OXR1: variants seen among roughly 807,000 people sequenced by gnomAD.
The protein encoded by OXR1 is oxidation resistance 1.
Under a neutral mutation model 104.6 loss-of-function variants are expected in OXR1, and 41 were observed. The ratio of observed to expected loss-of-function variants is 0.39; its 90% confidence interval spans 0.31 to 0.51. OXR1 has a LOEUF of 0.51. Among genes scored for constraint, OXR1 ranks in the 20% least tolerant of loss-of-function variants. The pLI, the probability that OXR1 is intolerant of heterozygous loss-of-function variation, is 0.77. For synonymous variants in OXR1, 348 were observed against 348.4 expected (o/e 1.00, Z 0.01); for missense variants, 955 against 1,031.9 (o/e 0.93, Z 1.02).
intron 10 of OXR1, among the ~76,000 whole-genome samples, chr8:106,711,111 AT>A (rs1831640067): frequency 6.6e-6 from 1 of 152,116 alleles, no homozygotes; most frequent in Admixed American, 6.6e-5. Flanking sequence ...ATGGTGTATA[AT>A]TCCTTTATAT....
rs1324990081 is a variant in OXR1, at chr8:106,640,304, AT to A, written c.221-38903del. On this transcript the variant is annotated intron_variant, in intron 3 of 16. Coordinates refer to ENST00000517566, the MANE Select transcript of OXR1 (RefSeq NM_001198533.2). The stretch of plus-strand genomic sequence containing the variant: ...CAAATATATACATTTGTATATACGT[AT>A]TTGTGTATATATACTAATACATATA... 2.6e-5 allele frequency among the ~76,000 whole-genome samples: 4 copies of A among 151,380 alleles called. No homozygotes were observed. The South Asian group carries it at 8.3e-4, about 31-fold the overall frequency.
At chr8:106,552,959 C>T (rs1815966579) in intron 3 of OXR1, among the ~76,000 whole-genome samples, 2 of 152,150 alleles carry the variant, frequency 1.3e-5, no homozygotes, top group African/African-American at 4.8e-5. Context: ...ATAACAAAGA[C>T]TGTTTTATTC....
chr8:106,352,282 G>A (rs1257818614), intron 1 of OXR1, among the ~76,000 whole-genome samples: 1 of 152,178 alleles, frequency 6.6e-6, no homozygotes, highest in Non-Finnish European at 1.5e-5. Flanking sequence ...TGGACGATGA[G>A]TATATTTCAG....
chr8:106,418,982 C>T (rs1018887286), intron 2 of OXR1, among the ~76,000 whole-genome samples: 1 of 151,954 alleles, frequency 6.6e-6, no homozygotes, highest in Non-Finnish European at 1.5e-5. Flanking sequence ...TGCTCATAAC[C>T]AACGCTCATA....
At chr8:106,359,333 C>A in intron 1 of OXR1, 143 bp from the exon 2 acceptor site, 1 of 331,188 alleles carries the variant, frequency 3.0e-6, no homozygotes, top group Admixed American at 4.2e-5. Flanking sequence ...TGGTTTATTA[C>A]ATGTCTTATA....
chr8:106,663,677 C>T (rs960595632), intron 3 of OXR1, among the ~76,000 whole-genome samples: 2 of 152,190 alleles, frequency 1.3e-5, no homozygotes, highest in African/African-American at 4.8e-5. Flanking sequence ...ACTGCCTGAG[C>T]TCTGCCTCCT....
intron 7 of OXR1, among the ~76,000 whole-genome samples, chr8:106,696,794 C>A (rs1830079280): frequency 6.6e-6 from 1 of 152,122 alleles, no homozygotes; most frequent in African/African-American, 2.4e-5. Context: ...AGCCCCAGAC[C>A]ATGGTAGGCA....
intron 3 of OXR1, among the ~76,000 whole-genome samples, chr8:106,556,481 C>T (rs542567256): frequency 6.6e-6 from 1 of 152,056 alleles, no homozygotes; most frequent in East Asian, 1.9e-4. Flanking sequence ...GTAGAGAATC[C>T]CAAATGAATC....
At chr8:106,330,049 G>C (rs1814646447) in intron 1 of OXR1, among the ~76,000 whole-genome samples, 1 of 152,108 alleles carries the variant, frequency 6.6e-6, no homozygotes, top group South Asian at 2.1e-4. Context: ...CTATGATTTA[G>C]CCACAGCAAC....
intron 3 of OXR1, among the ~76,000 whole-genome samples, chr8:106,549,098 A>T (rs2130391074): frequency 6.6e-6 from 1 of 152,360 alleles, no homozygotes; most frequent in South Asian, 2.1e-4. Context: ...AGTGAAATAA[A>T]TCTAAGATAT....
intron 3 of OXR1, among the ~76,000 whole-genome samples, chr8:106,640,642 G>T (rs1022135112): frequency 8.6e-5 from 13 of 151,996 alleles, no homozygotes; most frequent in Non-Finnish European, 1.8e-4. Flanking sequence ...ACTTTGGGAA[G>T]TAACTTCGAT....
chr8:106,405,436 T>C (rs780820784), intron 2 of OXR1, among the ~76,000 whole-genome samples: 4 of 151,814 alleles, frequency 2.6e-5, no homozygotes, highest in Non-Finnish European at 5.9e-5. Context: ...CTGTGAAAGG[T>C]GAATTTGAAA....
intron 2 of OXR1, among the ~76,000 whole-genome samples, chr8:106,400,461 T>C (rs1817956271): frequency 6.6e-6 from 1 of 152,210 alleles, no homozygotes; most frequent in Non-Finnish European, 1.5e-5. Flanking sequence ...ATTTTTAGAC[T>C]GGAAGATTCC....
At chr8:106,692,704 C>A in intron 6 of OXR1, 24 bp from the exon 7 acceptor site, 10 of 1,316,430 alleles carry the variant, frequency 7.6e-6, no homozygotes, top group Non-Finnish European at 1.0e-5. Flanking sequence ...TTTTTTTTTT[C>A]TTTCCTTTAA....
In OXR1 at chr8:106,707,023, A is replaced by C. The variant is rs776776610; in HGVS notation, c.1502A>C (p.Glu501Ala). The C allele has an allele frequency of 6.2e-7, 1 of 1,613,954 alleles. No individual in the cohort carries two copies. The highest frequency in any genetic ancestry group is 8.5e-7 in the Non-Finnish European group (1 of 1,179,956). ...CAGGACTCACAGACAGAGGCAGAAG[A>C]GCTACGCAAACTTTGGAAAACCCAT... ...QNQDSQTEAE[E>A]LRKLWKTHTM... Residue 501 changes from glutamate (E) to alanine (A), a missense_variant, in exon 9 of 17, where the codon GAG becomes GCG. Physicochemically the swap from Glu to Ala is moderately radical, Grantham distance 107. Transcript: ENST00000517566.
chr8:106,691,493 C>A (rs1829269722), intron 6 of OXR1, among the ~76,000 whole-genome samples: 2 of 151,658 alleles, frequency 1.3e-5, no homozygotes, highest in Non-Finnish European at 2.9e-5. Flanking sequence ...AAAAGAATTA[C>A]ATTGACAAAT....
At chr8:106,290,073 A>G (rs1480654279) in intron 1 of OXR1, among the ~76,000 whole-genome samples, 1 of 152,146 alleles carries the variant, frequency 6.6e-6, no homozygotes, top group African/African-American at 2.4e-5. Context: ...AGTCTCAGGT[A>G]TTTCTTCATA....
intron 2 of OXR1, among the ~76,000 whole-genome samples, chr8:106,477,433 G>A (rs1580059): frequency 0.077 from 11,719 of 152,020 alleles, 502 homozygotes; most frequent in Non-Finnish European, 0.087. Flanking sequence ...ATTTTATGCA[G>A]TTATGATTGA....
intron 7 of OXR1, among the ~76,000 whole-genome samples, chr8:106,696,937 G>A (rs1830094822): frequency 6.6e-6 from 1 of 152,152 alleles, no homozygotes; most frequent in Non-Finnish European, 1.5e-5. Flanking sequence ...AGCTGTGGCT[G>A]GGGCAGCAGC....
Sources: allele counts gnomAD v4.1 joint callset (sites outside exome capture counted in the v4.1 genomes callset), GRCh38; gene constraint gnomAD v4.1.1; transcripts MANE v1.5; gene names NCBI Gene and HGNC (gene_info 2026-07-23, HGNC 2026-07-21).